FANCM: variants seen among roughly 807,000 people sequenced by gnomAD.
The protein encoded by FANCM is Fanconi anemia group M protein.
FANCM carries 140 observed loss-of-function variants against 199.5 expected under a neutral mutation model. That is an observed-to-expected ratio of 0.70 (90% CI 0.61 to 0.81). FANCM has a LOEUF of 0.81. Ranked by LOEUF, FANCM falls within the 30% of genes least tolerant of loss-of-function variation. FANCM has a pLI of 0.00. For synonymous variants in FANCM, 840 were observed against 836.8 expected, an observed-to-expected ratio of 1.00 and a Z score of -0.07; for missense variants, 2,410 against 2,421.4, an observed-to-expected ratio of 1.00 and a Z score of 0.10.
intron 14 of FANCM, among the ~76,000 whole-genome samples, chr14:45,179,859 C>T (rs751982228): frequency 1.1e-4 from 17 of 152,068 alleles, no homozygotes; most frequent in Non-Finnish European, 2.1e-4. Context: ...CATGCCTGGC[C>T]CATTTTTTGC....
At chr14:45,194,397 T>G (rs1329608877) in intron 20 of FANCM, among the ~76,000 whole-genome samples, 1 of 152,118 alleles carries the variant, frequency 6.6e-6, no homozygotes, top group African/African-American at 2.4e-5. Context: ...TAATTAAAAA[T>G]ACCTACATAC....
In FANCM at chr14:45,136,668, A is replaced by C. The variant is rs1885537733; in HGVS notation, c.508+129A>C. On this transcript the variant is annotated intron_variant, in intron 1 of 22. Transcript: ENST00000267430. ...AACATTCTCTACTTGCAGCAAGCCC[A>C]AAACTGATGAATAGGGTTGCTTTAT... The C allele has an allele frequency of 9.4e-6, 8 of 846,590 alleles. No homozygotes were observed. The South Asian group carries it at 1.0e-4, about 11-fold the overall frequency. 52.4% of individuals were successfully genotyped at this position (846,590 alleles called of 1,614,324 possible).
intron 13 of FANCM, 53 bp from the exon 14 acceptor site, chr14:45,175,018 C>A: frequency 8.9e-7 from 1 of 1,121,000 alleles, no homozygotes; most frequent in Non-Finnish European, 1.3e-6. Flanking sequence ...TTAGATTTGG[C>A]TTTCTGTTTT....
chr14:45,177,462 G>A (rs1410066396), intron 14 of FANCM, among the ~76,000 whole-genome samples: 1 of 152,084 alleles, frequency 6.6e-6, no homozygotes, highest in Non-Finnish European at 1.5e-5. Context: ...CATGGTCTCG[G>A]CTTACTGCAA....
chr14:45,136,018 T>G lies in FANCM; in HGVS notation c.-14T>G. On this transcript the variant is annotated 5_prime_UTR_variant, in exon 1 of 23. Coordinates refer to ENST00000267430, the MANE Select transcript of FANCM (RefSeq NM_020937.4). ...ACGGATATCTGACAGAAGCCTTCGG[T>G]GGTTGTCGGCCTAATGAGCGGACGG... The G allele has an allele frequency of 6.2e-7, 1 of 1,612,792 alleles. No individual in the cohort carries two copies. Among genetic ancestry groups the G allele is most frequent in the Non-Finnish European group, 8.5e-7 (1 of 1,179,972 alleles).
At chr14:45,174,262 C>T (rs1336549832) in intron 13 of FANCM, among the ~76,000 whole-genome samples, 1 of 152,020 alleles carries the variant, frequency 6.6e-6, no homozygotes, top group African/African-American at 2.4e-5. Flanking sequence ...TGGCACATGC[C>T]TGTAATCCCA....
chr14:45,196,203 C>T lies in FANCM; in HGVS notation c.5372C>T (p.Ser1791Leu), dbSNP rs1030112980. The change falls in exon 21 of 23, where the codon TCA becomes TTA. Residue 1791 changes from serine to leucine, a missense_variant. By Grantham distance (145) the Ser-to-Leu change is moderately radical. Transcript: ENST00000267430. The part of the protein sequence containing the change: ...DGSALEDSST[S>L]GASCSKSRPH... The stretch of plus-strand genomic sequence containing the variant: ...AGTGCTTTGGAGGATTCTAGCACTT[C>T]AGGGGCATCCTGTTCCAAGTCAAGA... 6 of 1,613,998 alleles carry T rather than the reference C, an allele frequency of 3.7e-6. No individual in the cohort carries two copies. Among genetic ancestry groups the T allele is most frequent in the South Asian group, 1.1e-5 (1 of 91,078 alleles).
Position 45,136,527 on chromosome 14 carries a change from G to A in FANCM, c.496G>A (p.Ala166Thr), listed in dbSNP as rs369365858. 155 of 1,613,648 alleles carry A rather than the reference G, an allele frequency of 9.6e-5. No homozygotes were observed. The highest frequency in any genetic ancestry group is 1.2e-4 in the Non-Finnish European group (140 of 1,180,012). Residue 166 changes from alanine (A) to threonine (T), a missense_variant, in exon 1 of 23, where the codon GCC becomes ACC. Ala to Thr is a moderately conservative substitution (Grantham distance 58). Transcript: ENST00000267430. ...QVMGIPQSHM[A>T]EMTGSTQAST... The stretch of plus-strand genomic sequence containing the variant: ...GATGGGTATCCCGCAATCCCACATG[G>A]CCGAAATGACAGGTATCTTAGACTG...
intron 5 of FANCM, among the ~76,000 whole-genome samples, 185 bp from the exon 6 acceptor site, chr14:45,153,735 A>G (rs565249898): frequency 1.3e-5 from 2 of 152,340 alleles, no homozygotes; most frequent in African/African-American, 4.8e-5. Context: ...GTACCTTTCC[A>G]TAGCAACATC....
chr14:45,187,546 G>A (rs1297385037), intron 18 of FANCM, among the ~76,000 whole-genome samples: 2 of 151,984 alleles, frequency 1.3e-5, no homozygotes, highest in Non-Finnish European at 2.9e-5. Flanking sequence ...GATAAAGCAG[G>A]GAACTTAAGT....
chr14:45,172,178 C>A (rs1034457110), intron 12 of FANCM, among the ~76,000 whole-genome samples: 3 of 151,788 alleles, frequency 2.0e-5, no homozygotes, highest in Admixed American at 1.3e-4. Context: ...GATATTAATC[C>A]TTTGTTGGAT....
At chr14:45,197,052 G>A (rs150320054) in intron 21 of FANCM, among the ~76,000 whole-genome samples, 1 of 152,294 alleles carries the variant, frequency 6.6e-6, no homozygotes, top group East Asian at 1.9e-4. Context: ...GGTCACTGAA[G>A]TGGGTACCTA....
At chr14:45,169,327 C>T (rs910858984) in intron 11 of FANCM, among the ~76,000 whole-genome samples, 5 of 151,594 alleles carry the variant, frequency 3.3e-5, no homozygotes, top group Non-Finnish European at 7.4e-5. Context: ...TAGTTCAAAC[C>T]CCCTTATTTT....
At chr14:45,146,314 G>C (rs1886380533) in intron 3 of FANCM, among the ~76,000 whole-genome samples, 1 of 151,340 alleles carries the variant, frequency 6.6e-6, no homozygotes, top group South Asian at 2.1e-4. Flanking sequence ...GTGAATACCA[G>C]GTACTGTGAT....
intron 17 of FANCM, among the ~76,000 whole-genome samples, chr14:45,184,743 A>G (rs1432106565): frequency 1.3e-5 from 2 of 150,108 alleles, no homozygotes; most frequent in Non-Finnish European, 3.0e-5. Flanking sequence ...TTTTAAATAG[A>G]TAGGTAACTT....
chr14:45,197,786 T>TG (rs773074489), intron 21 of FANCM, among the ~76,000 whole-genome samples: 106 of 117,432 alleles, frequency 9.0e-4, no homozygotes, highest in Non-Finnish European at 1.5e-3. Flanking sequence ...TTTTTTGAAA[T>TG]GGAGTCTTGC....
At chr14:45,174,664 T>C in intron 13 of FANCM, among the ~76,000 whole-genome samples, 1 of 152,078 alleles carries the variant, frequency 6.6e-6, no homozygotes, top group East Asian at 1.9e-4. Context: ...TTTACTGTCA[T>C]TGAAAGAGTA....
intron 8 of FANCM, 45 bp from the exon 9 acceptor site, chr14:45,159,051 T>C: frequency 8.3e-7 from 1 of 1,201,458 alleles, no homozygotes; most frequent in African/African-American, 1.5e-5. Context: ...CTTGTCTAAA[T>C]GCTTTGTAAA....
At chr14:45,166,919 A>G (rs778480998) in intron 10 of FANCM, 31 bp from the exon 11 acceptor site, 2 of 1,169,520 alleles carry the variant, frequency 1.7e-6, no homozygotes, top group Non-Finnish European at 2.6e-6. Flanking sequence ...TAAAAGTAAT[A>G]TAATCTGACA....
Sources: allele counts gnomAD v4.1 joint callset (sites outside exome capture counted in the v4.1 genomes callset), GRCh38; gene constraint gnomAD v4.1.1; transcripts MANE v1.5; gene names NCBI Gene and HGNC (gene_info 2026-07-23, HGNC 2026-07-21).